Variants in CNTNAP2 observed in about 807,000 individuals in gnomAD.
CNTNAP2 encodes contactin associated protein 2, also known as contactin-associated protein-like 2.
In CNTNAP2, 98 loss-of-function variants were observed where a neutral mutation model predicts 155.2. That is an observed-to-expected ratio of 0.63 (90% CI 0.54 to 0.75). CNTNAP2 has a LOEUF of 0.75. Among genes scored for constraint, CNTNAP2 ranks in the 30% least tolerant of loss-of-function variants. The pLI is 0.00. For synonymous variants in CNTNAP2, 651 were observed against 631.2 expected, an observed-to-expected ratio of 1.03 and a Z score of -0.47; for missense variants, 1,727 against 1,688.1, an observed-to-expected ratio of 1.02 and a Z score of -0.40.
intron 21 of CNTNAP2, among the ~76,000 whole-genome samples, chr7:148,330,222 TGG>T (rs1797963810): frequency 2.8e-5 from 4 of 142,750 alleles, no homozygotes; most frequent in Non-Finnish European, 4.5e-5. Context: ...ATGGAATGGA[TGG>T]ATGGAATGGA....
intron 11 of CNTNAP2, among the ~76,000 whole-genome samples, chr7:147,495,782 G>A (rs560840525): frequency 2.6e-5 from 4 of 152,210 alleles, no homozygotes; most frequent in Admixed American, 1.3e-4. Flanking sequence ...ATATCCATTA[G>A]AACAGGAGTC....
intron 8 of CNTNAP2, among the ~76,000 whole-genome samples, chr7:147,238,399 G>A (rs565094253): frequency 2.8e-4 from 37 of 131,470 alleles, no homozygotes; most frequent in Admixed American, 1.4e-3. Context: ...AAATATGTGT[G>A]CAGACACACA....
At chr7:146,131,852 G>A (rs1010302166) in intron 1 of CNTNAP2, among the ~76,000 whole-genome samples, 6 of 152,142 alleles carry the variant, frequency 3.9e-5, no homozygotes, top group African/African-American at 1.4e-4. Flanking sequence ...CCCCCATGCT[G>A]TTCTCGTGAT....
intron 21 of CNTNAP2, among the ~76,000 whole-genome samples, chr7:148,304,887 A>G (rs891424032): frequency 4.6e-5 from 7 of 152,208 alleles, no homozygotes; most frequent in Non-Finnish European, 8.8e-5. Context: ...CAGTGTTTAC[A>G]TCATCATGCT....
At chr7:147,478,485 A>C (rs995974789) in intron 10 of CNTNAP2, among the ~76,000 whole-genome samples, 2 of 152,172 alleles carry the variant, frequency 1.3e-5, no homozygotes, top group African/African-American at 4.8e-5. Flanking sequence ...CCAAAATAAC[A>C]GTGGCTTAAA....
intron 1 of CNTNAP2, among the ~76,000 whole-genome samples, chr7:146,542,848 T>C (rs2245916): frequency 0.83 from 126,447 of 151,910 alleles, 53,170 homozygotes; most frequent in South Asian, 0.91. Context: ...GTGAAGTTAA[T>C]GATATCTTTT....
intron 1 of CNTNAP2, among the ~76,000 whole-genome samples, chr7:146,216,905 C>A (rs1441070886): frequency 6.6e-6 from 1 of 152,138 alleles, no homozygotes; most frequent in Non-Finnish European, 1.5e-5. Context: ...ATAAAACTGG[C>A]AGAATAAAAC....
At chr7:148,247,797 G>A (rs1344671442) in intron 20 of CNTNAP2, among the ~76,000 whole-genome samples, 1 of 151,622 alleles carries the variant, frequency 6.6e-6, no homozygotes, top group Non-Finnish European at 1.5e-5. Context: ...GGAATTACAG[G>A]TGTGTGCCAC....
At chr7:146,138,101 A>C (rs938287797) in intron 1 of CNTNAP2, among the ~76,000 whole-genome samples, 2 of 152,154 alleles carry the variant, frequency 1.3e-5, no homozygotes. Flanking sequence ...AAAGCATCCT[A>C]AGAGAGAAAA....
intron 1 of CNTNAP2, among the ~76,000 whole-genome samples, chr7:146,656,838 T>C (rs977285717): frequency 1.3e-5 from 2 of 152,188 alleles, no homozygotes; most frequent in Admixed American, 6.6e-5. Context: ...ACTGAACTAA[T>C]CAAGATAGAA....
In CNTNAP2 at chr7:147,639,227, T is replaced by A; in HGVS notation, c.2019T>A (p.Ser673Arg). 1 of 1,614,126 alleles carries A rather than the reference T, an allele frequency of 6.2e-7. No homozygotes were observed. Among genetic ancestry groups the A allele is most frequent in the Non-Finnish European group, 8.5e-7 (1 of 1,179,998 alleles). Residue 673 changes from serine (S) to arginine (R), a missense_variant, in exon 13 of 24, where the codon AGT becomes AGA. Ser to Arg is a moderately radical substitution (Grantham distance 110). Coordinates refer to ENST00000361727, the MANE Select transcript of CNTNAP2 (RefSeq NM_014141.6). ...LVYSASMDQISAITDSAEYCE... is the reference protein window; with the variant it reads ...LVYSASMDQIRAITDSAEYCE... Reference sequence around the variant, plus strand: ...ACAGCGCCTCCATGGACCAGATAAGTGCCATCACTGACAGTGCCGAGTACT... The same window carrying A: ...ACAGCGCCTCCATGGACCAGATAAGAGCCATCACTGACAGTGCCGAGTACT...
At chr7:146,365,085 T>C (rs889671123) in intron 1 of CNTNAP2, among the ~76,000 whole-genome samples, 7 of 152,228 alleles carry the variant, frequency 4.6e-5, no homozygotes, top group Admixed American at 2.0e-4. Context: ...TTCACTCTAA[T>C]TATGTAAATG....
At chr7:147,415,960 G>C (rs1046695635) in intron 10 of CNTNAP2, among the ~76,000 whole-genome samples, 1 of 152,122 alleles carries the variant, frequency 6.6e-6, no homozygotes, top group African/African-American at 2.4e-5. Context: ...TGCATTCATG[G>C]ATCTCCACCC....
chr7:148,154,031 A>G (rs950435622), intron 17 of CNTNAP2, among the ~76,000 whole-genome samples: 4 of 152,254 alleles, frequency 2.6e-5, no homozygotes, highest in African/African-American at 9.6e-5. Flanking sequence ...AGGCTAGGTC[A>G]TCTTAACTCA....
At chr7:147,029,238 C>T (rs1157129039) in intron 3 of CNTNAP2, among the ~76,000 whole-genome samples, 1 of 152,150 alleles carries the variant, frequency 6.6e-6, no homozygotes, top group Admixed American at 6.5e-5. Flanking sequence ...GCTGGAATTA[C>T]AGGCGTGAGC....
At chr7:147,933,825 T>C (rs1585036327) in intron 14 of CNTNAP2, among the ~76,000 whole-genome samples, 1 of 151,998 alleles carries the variant, frequency 6.6e-6, no homozygotes, top group African/African-American at 2.4e-5. Flanking sequence ...ATCGCACCAT[T>C]GCACTCCAGC....
chr7:147,368,368 G>T (rs960542371), intron 9 of CNTNAP2, among the ~76,000 whole-genome samples: 2 of 152,008 alleles, frequency 1.3e-5, no homozygotes, highest in Non-Finnish European at 2.9e-5. Flanking sequence ...GTTGAGTTGT[G>T]TTGGGTTTGG....
chr7:147,023,922 G>C (rs906090513), intron 3 of CNTNAP2, among the ~76,000 whole-genome samples: 6 of 152,160 alleles, frequency 3.9e-5, no homozygotes, highest in African/African-American at 1.4e-4. Flanking sequence ...GGGCCAAGCT[G>C]GCAATAAGTT....
chr7:148,242,418 A>G (rs1040506888), intron 20 of CNTNAP2, among the ~76,000 whole-genome samples: 1 of 152,216 alleles, frequency 6.6e-6, no homozygotes, highest in Non-Finnish European at 1.5e-5. Flanking sequence ...TTTGATGGAC[A>G]TGGTCCTGGA....
Sources: gnomAD v4.1 joint callset for allele counts (sites outside exome capture counted in the v4.1 genomes callset) on GRCh38, gnomAD v4.1.1 for gene constraint, MANE v1.5 for transcripts, NCBI Gene and HGNC (gene_info 2026-07-23, HGNC 2026-07-21) for gene names.